ZZEF1: variants seen among roughly 807,000 people sequenced by gnomAD.
ZZEF1 encodes the protein zinc finger ZZ-type and EF-hand domain containing 1.
A neutral mutation model predicts 342.8 loss-of-function variants in ZZEF1; 157 were observed. The observed-to-expected ratio is 0.46, with a 90% confidence interval of 0.40 to 0.52. The LOEUF is 0.52. ZZEF1 is among the 20% of genes least tolerant of loss of function. The pLI is 0.00. For synonymous variants in ZZEF1, 1,505 were observed against 1,429.1 expected (o/e 1.05, Z -1.20); for missense variants, 3,480 against 3,725.6 (o/e 0.93, Z 1.72).
chr17:4,111,576 G>A (rs948122850), intron 5 of ZZEF1, among the ~76,000 whole-genome samples: 4 of 150,966 alleles, frequency 2.6e-5, no homozygotes, highest in Non-Finnish European at 5.9e-5. Context: ...GGAGAATTGC[G>A]TGAACCCCGG....
At chr17:4,062,672 G>A in intron 30 of ZZEF1, 81 bp downstream of exon 30, 1 of 1,394,984 alleles carries the variant, frequency 7.2e-7, no homozygotes, top group Non-Finnish European at 9.6e-7. Flanking sequence ...AAATGATGCT[G>A]CTATTAATCA....
chr17:4,034,362 T>A, intron 39 of ZZEF1, 70 bp from the exon 40 acceptor site: 2 of 1,526,710 alleles, frequency 1.3e-6, no homozygotes, highest in Middle Eastern at 3.5e-4. Context: ...ATATTATATC[T>A]CCCTCCTACC....
At chr17:4,066,619 C>G in intron 27 of ZZEF1, 79 bp from the exon 28 acceptor site, 2 of 1,187,540 alleles carry the variant, frequency 1.7e-6, no homozygotes, top group Admixed American at 3.4e-5. Context: ...ACTTCAAAAG[C>G]ACACAGCACT....
At chr17:4,097,977 C>T (rs1369772508) in intron 9 of ZZEF1, among the ~76,000 whole-genome samples, 1 of 148,968 alleles carries the variant, frequency 6.7e-6, no homozygotes. Flanking sequence ...GTGGCTCACA[C>T]CTATAATCCC....
chr17:4,092,017 G>A (rs1336007903), intron 11 of ZZEF1, among the ~76,000 whole-genome samples: 6 of 149,624 alleles, frequency 4.0e-5, no homozygotes, highest in African/African-American at 1.5e-4. Flanking sequence ...CGGAGGTTGC[G>A]GTGAGCCAAG....
chr17:4,012,858 A>G lies in ZZEF1; in HGVS notation c.8579+591T>C, dbSNP rs565313875. 3.3e-5 allele frequency among the ~76,000 whole-genome samples: 5 copies of G among 152,372 alleles called. No homozygotes were observed. In the East Asian group the frequency reaches 7.7e-4, roughly 23 times the overall value. On this transcript the variant is annotated intron_variant, in intron 52 of 54. Coordinates refer to ENST00000381638, the MANE Select transcript of ZZEF1 (RefSeq NM_015113.4). ...GCTAAAATTAAAAAATACCAATTATAGTATCAAAAACATTAAATACCTAGT... is the reference window on the plus strand; with the variant it reads ...GCTAAAATTAAAAAATACCAATTATGGTATCAAAAACATTAAATACCTAGT...
intron 6 of ZZEF1, among the ~76,000 whole-genome samples, chr17:4,109,121 G>A (rs939290389): frequency 6.6e-6 from 1 of 152,116 alleles, no homozygotes; most frequent in Admixed American, 6.5e-5. Context: ...ACCCTGAAAA[G>A]ATTTCACTCA....
rs1328562956 is a variant in ZZEF1, at chr17:4,106,128, A to G, written c.1278-319T>C. ...CCACGCTTGACTAATTTGTATTTTT[A>G]GTAGAGACAGGGTTTCACCATCTTG... On this transcript the variant is annotated intron_variant, in intron 6 of 54. Transcript: ENST00000381638. Among the ~76,000 whole-genome samples, 4 of 152,242 alleles carry G rather than the reference A, an allele frequency of 2.6e-5. No individual in the cohort carries two copies. In the South Asian group the frequency reaches 6.2e-4, roughly 24 times the overall value.
rs1173956426 is a variant in ZZEF1, at chr17:4,112,484, A to AATGAAC, written c.1066+119_1066+124dup. 3 of 972,070 alleles carry AATGAAC rather than the reference A, an allele frequency of 3.1e-6. No individual in the cohort carries two copies. The East Asian group carries it at 7.8e-5, about 25-fold the overall frequency. The allele number at this position is 972,070 out of a possible 1,614,324, so 60.2% of individuals were successfully genotyped here. On this transcript the variant is annotated intron_variant, in intron 5 of 54. Transcript: ENST00000381638. ...TTCTACAACACTTAATGAATGAAAT[A>AATGAAC]ATGAACACTTTTGTGTACGTCCTAA... is the stretch of plus-strand genomic sequence containing the variant.
chr17:4,029,208 T>C (rs1019174031), intron 42 of ZZEF1, among the ~76,000 whole-genome samples: 2 of 152,172 alleles, frequency 1.3e-5, no homozygotes, highest in Non-Finnish European at 2.9e-5. Flanking sequence ...AGACCTAATT[T>C]TGGACAATAA....
chr17:4,021,264 G>A lies in ZZEF1; in HGVS notation c.7269C>T (p.His2423=), dbSNP rs143887026. The A allele has an allele frequency of 4.0e-4, 650 of 1,614,126 alleles. 1 individual carries two copies. Among genetic ancestry groups the A allele is most frequent in the Middle Eastern group, 1.6e-3 (10 of 6,062 alleles). ...SKKEINALAE[H]GDLELDERGD... ...CTCGCTCATCCAGCTCTAGGTCTCCGTGCTCAGCCAAAGCGTTGATCTCCT... is the reference window on the plus strand; with the variant it reads ...CTCGCTCATCCAGCTCTAGGTCTCCATGCTCAGCCAAAGCGTTGATCTCCT... The change falls in exon 45 of 55, where the codon CAC becomes CAT. Residue 2423 remains histidine (H), a synonymous_variant. Coordinates refer to ENST00000381638, the MANE Select transcript of ZZEF1 (RefSeq NM_015113.4).
At position 4,075,376 on chromosome 17, in the gene ZZEF1, C is replaced by A. The variant is rs368723194; in HGVS notation, c.3288G>T (p.Thr1096=). Reference sequence around the variant, plus strand: ...TTTCATAGTTGTGGGCAGATTCCTTCGTCCACGTATGTAACACCACAGGCT... The same window carrying A: ...TTTCATAGTTGTGGGCAGATTCCTTAGTCCACGTATGTAACACCACAGGCT... ...QEQPVVLHTW[T]KESAHNYENN... The change falls in exon 22 of 55, where the codon ACG becomes ACT. Residue 1096 remains threonine (T), a synonymous_variant. Coordinates refer to ENST00000381638, the MANE Select transcript of ZZEF1 (RefSeq NM_015113.4). The A allele has an allele frequency of 2.5e-6, 4 of 1,614,202 alleles. No homozygotes were observed.
chr17:4,013,659 A>G, intron 51 of ZZEF1, 45 bp from the exon 52 acceptor site: 1 of 1,539,996 alleles, frequency 6.5e-7, no homozygotes, highest in Non-Finnish European at 8.8e-7. Context: ...GAGATACGTA[A>G]TAAGTAATAT....
chr17:4,074,857 C>A (rs2057578580), intron 23 of ZZEF1, among the ~76,000 whole-genome samples: 1 of 152,240 alleles, frequency 6.6e-6, no homozygotes, highest in South Asian at 2.1e-4. Context: ...CTCAACTCTG[C>A]CACTGCAGTG....
intron 39 of ZZEF1, among the ~76,000 whole-genome samples, chr17:4,039,805 G>A (rs538692962): frequency 2.0e-5 from 3 of 151,858 alleles, no homozygotes; most frequent in East Asian, 2.0e-4. Flanking sequence ...CACCACGCCT[G>A]GCTAATTTTT....
chr17:4,134,152 A>G (rs915613288), intron 1 of ZZEF1, among the ~76,000 whole-genome samples: 47 of 151,914 alleles, frequency 3.1e-4, no homozygotes, highest in Non-Finnish European at 6.0e-4. Flanking sequence ...ATAATTATGT[A>G]ATTTCCTAAC....
chr17:4,048,155 C>T (rs564487253), intron 37 of ZZEF1, among the ~76,000 whole-genome samples: 1 of 152,260 alleles, frequency 6.6e-6, no homozygotes, highest in African/African-American at 2.4e-5. Context: ...CCCATTTCTC[C>T]TAACAATGTT....
intron 9 of ZZEF1, among the ~76,000 whole-genome samples, chr17:4,100,871 TC>T (rs2058116184): frequency 6.6e-6 from 1 of 152,046 alleles, no homozygotes; most frequent in Non-Finnish European, 1.5e-5. Flanking sequence ...AAAATCCACT[TC>T]CTCACATGCT....
In ZZEF1 at chr17:4,014,576, T is replaced by G; in HGVS notation, c.8146-61A>C. The stretch of plus-strand genomic sequence containing the variant: ...CTGCTCACTAGACACTGACTGCAGC[T>G]GTCCCATGCCGAGTCCTGTGGCTGG... On this transcript the variant is annotated intron_variant, in intron 49 of 54. Coordinates refer to ENST00000381638, the MANE Select transcript of ZZEF1 (RefSeq NM_015113.4). This position sits in a 1 kb window ranked among gnomAD's most constrained non-coding sequence, Gnocchi z 4.4. 1 of 1,569,752 alleles carries G rather than the reference T, an allele frequency of 6.4e-7. No individual in the cohort carries two copies. The highest frequency in any genetic ancestry group is 8.7e-7 in the Non-Finnish European group (1 of 1,144,244).
Sources: gnomAD v4.1 joint callset for allele counts (sites outside exome capture counted in the v4.1 genomes callset) on GRCh38, gnomAD v4.1.1 for gene constraint, Gnocchi (gnomAD v3.1) non-coding constraint, MANE v1.5 for transcripts, NCBI Gene and HGNC (gene_info 2026-07-23, HGNC 2026-07-21) for gene names.